The following SIN3A variants were observed in gnomAD, a reference collection of about 807,000 sequenced individuals.
SIN3A encodes the protein paired amphipathic helix protein Sin3a.
Under a neutral mutation model 146.1 loss-of-function variants are expected in SIN3A, and 14 were observed. The observed-to-expected ratio is 0.10, with a 90% confidence interval of 0.06 to 0.15. The LOEUF (loss-of-function observed/expected upper bound fraction) is 0.15. Among genes scored for constraint, SIN3A ranks in the 10% least tolerant of loss-of-function variants. The pLI, the probability that SIN3A is intolerant of heterozygous loss-of-function variation, is 1.00. For synonymous variants in SIN3A, 572 were observed against 572.0 expected (o/e 1.00, Z 0.00); for missense variants, 1,028 against 1,576.0 (o/e 0.65, Z 5.89).
At chr15:75,372,820 CA>C (rs370930119) in intron 20 of SIN3A, among the ~76,000 whole-genome samples, 868 of 79,518 alleles carry the variant, frequency 0.011, 9 homozygotes, top group African/African-American at 0.037. Flanking sequence ...ACCCTGTCTC[CA>C]AAAAAAAAAA....
At chr15:75,438,197 C>T (rs2074139099) in intron 1 of SIN3A, among the ~76,000 whole-genome samples, 1 of 152,034 alleles carries the variant, frequency 6.6e-6, no homozygotes, top group Non-Finnish European at 1.5e-5. Flanking sequence ...TCTGTCTTTA[C>T]TAAAGCACGA....
intron 1 of SIN3A, among the ~76,000 whole-genome samples, chr15:75,446,835 G>C (rs1172997667): frequency 6.6e-6 from 1 of 151,720 alleles, no homozygotes; most frequent in Admixed American, 6.6e-5. Flanking sequence ...GCAGTGGCAC[G>C]ATCTTGGCTC....
At chr15:75,454,693 C>G (rs1417988282), upstream of SIN3A, among the ~76,000 whole-genome samples, 1 of 152,074 alleles carries the variant, frequency 6.6e-6, no homozygotes, top group African/African-American at 2.4e-5. Context: ...GCGCCCCCGC[C>G]CCCGCCCCAT....
At chr15:75,446,056 A>T (rs762608306) in intron 1 of SIN3A, among the ~76,000 whole-genome samples, 45 of 152,180 alleles carry the variant, frequency 3.0e-4, no homozygotes, top group Non-Finnish European at 6.0e-4. Context: ...GTGTTTTAGG[A>T]GCTGGAGATA....
intron 1 of SIN3A, among the ~76,000 whole-genome samples, chr15:75,438,639 T>A (rs549696265): frequency 4.0e-4 from 61 of 151,968 alleles, no homozygotes; most frequent in Admixed American, 3.3e-3. Flanking sequence ...CAGTGAGCTG[T>A]GATTATGCCA....
At position 75,392,530 on chromosome 15, in the gene SIN3A, T is replaced by G. The variant is rs773720041; in HGVS notation, c.2563A>C (p.Asn855His). ...DEATGAVKKH[N>H]GVGGSPPKSK... ...TTAGGGGGACTGCCCCCAACACCAT[T>G]GTGCTTCTTAACTGCCCCTGTGGCT... Residue 855 changes from asparagine (N) to histidine (H), a missense_variant, in exon 15 of 21, where the codon AAT becomes CAT. This residue lies in a region of SIN3A where 488 missense variants were observed against 690.2 expected (regional missense o/e 0.71). Coordinates refer to ENST00000394947, the MANE Select transcript of SIN3A (RefSeq NM_001145358.2). 1.2e-6 allele frequency: 2 copies of G among 1,614,172 alleles called. No homozygotes were observed. Among genetic ancestry groups the G allele is most frequent in the Admixed American group, 3.3e-5 (2 of 60,032 alleles).
intron 4 of SIN3A, 41 bp downstream of exon 4, chr15:75,414,164 A>G (rs878998326): frequency 9.7e-7 from 1 of 1,027,422 alleles, no homozygotes; most frequent in Non-Finnish European, 1.4e-6. Context: ...CAAAATCAAT[A>G]TGCCAGATAC....
chr15:75,375,845 T>G lies in SIN3A; in HGVS notation c.3411A>C (p.Gln1137His). 6.2e-7 allele frequency: 1 copy of G among 1,614,186 alleles called. No homozygotes were observed. Among genetic ancestry groups the G allele is most frequent in the Non-Finnish European group, 8.5e-7 (1 of 1,180,040 alleles). Residue 1137 changes from glutamine (Q) to histidine (H), a missense_variant, in exon 20 of 21, where the codon CAA becomes CAC. By Grantham distance (24) the Gln-to-His change is conservative. This residue lies in a region of SIN3A where 488 missense variants were observed against 690.2 expected (regional missense o/e 0.71). Transcript: ENST00000394947. Reference protein sequence around the residue: ...PRNLRRIRKCQRGREQQEKEG... With the variant: ...PRNLRRIRKCHRGREQQEKEG... ...CCTTTTCCTGCTGCTCTCGACCACG[T>G]TGACACTTCCGGATCCGCCGTAGAT...
chr15:75,426,348 AG>A, intron 2 of SIN3A, among the ~76,000 whole-genome samples: 1 of 152,326 alleles, frequency 6.6e-6, no homozygotes, highest in Middle Eastern at 3.4e-3. Context: ...TTCCTACTTC[AG>A]CTGCATTTCC....
intron 1 of SIN3A, among the ~76,000 whole-genome samples, chr15:75,435,333 T>C (rs1295689984): frequency 6.6e-6 from 1 of 152,154 alleles, no homozygotes; most frequent in Admixed American, 6.6e-5. Context: ...TATGGAAAAC[T>C]ATGTAGGAAT....
At chr15:75,381,837 T>G in intron 17 of SIN3A, 132 bp from the exon 18 acceptor site, 1 of 728,220 alleles carries the variant, frequency 1.4e-6, no homozygotes, top group Non-Finnish European at 2.3e-6. Context: ...AGGAAGATAC[T>G]AGATCTTGGG....
intron 19 of SIN3A, chr15:75,376,281 C>A: frequency 5.2e-6 from 1 of 192,330 alleles, no homozygotes. Context: ...ATAGATTTGT[C>A]TTATTCTCTT....
intron 8 of SIN3A, among the ~76,000 whole-genome samples, chr15:75,409,562 TAAA>T (rs76626567): frequency 7.6e-6 from 1 of 131,974 alleles, no homozygotes. Context: ...CCGTCTCCAC[TAAA>T]AAAAAAAAAA....
At chr15:75,383,414 G>A (rs2073013585) in intron 17 of SIN3A, among the ~76,000 whole-genome samples, 1 of 151,892 alleles carries the variant, frequency 6.6e-6, no homozygotes, top group Admixed American at 6.6e-5. Flanking sequence ...ACTTTTTTTG[G>A]TTATCTGCAT....
intron 16 of SIN3A, among the ~76,000 whole-genome samples, chr15:75,386,571 G>A (rs1281551003): frequency 6.6e-6 from 1 of 152,320 alleles, no homozygotes; most frequent in East Asian, 1.9e-4. Context: ...GTAACACTGG[G>A]ACCAGGGGTA....
In SIN3A at chr15:75,441,346, C is replaced by A. The variant is rs562500375; in HGVS notation, c.-34+10077G>T. 5.3e-5 allele frequency among the ~76,000 whole-genome samples: 8 copies of A among 152,228 alleles called. No homozygotes were observed. The South Asian group carries it at 1.7e-3, about 32-fold the overall frequency. On this transcript the variant is annotated intron_variant, in intron 1 of 20. Transcript: ENST00000394947. ...AATAAAAAAAAAACAGGGTCTTGCT[C>A]TATTGCCCAGGCTAGAGTACAGTGG...
At chr15:75,405,052 A>G (rs1381589774) in intron 9 of SIN3A, among the ~76,000 whole-genome samples, 1 of 151,858 alleles carries the variant, frequency 6.6e-6, no homozygotes, top group East Asian at 1.9e-4. Flanking sequence ...GAGGGTAAGA[A>G]GGATCACTTG....
intron 1 of SIN3A, among the ~76,000 whole-genome samples, chr15:75,438,747 A>AT (rs2074149097): frequency 6.6e-6 from 1 of 152,178 alleles, no homozygotes; most frequent in Admixed American, 6.6e-5. Flanking sequence ...AGAACAAAAA[A>AT]TAAAATAAAT....
At chr15:75,448,699 C>T (rs2074350520) in intron 1 of SIN3A, among the ~76,000 whole-genome samples, 1 of 152,098 alleles carries the variant, frequency 6.6e-6, no homozygotes, top group South Asian at 2.1e-4. Flanking sequence ...CCATGAAAAG[C>T]ACTATGCTAA....
Sources: allele counts gnomAD v4.1 joint callset (sites outside exome capture counted in the v4.1 genomes callset), GRCh38; gene constraint gnomAD v4.1.1; regional missense constraint gnomAD v4.1.1; transcripts MANE v1.5; gene names NCBI Gene and HGNC (gene_info 2026-07-23, HGNC 2026-07-21).